The following KCNK3 variants were observed in gnomAD, a reference collection of about 807,000 sequenced individuals.
KCNK3 encodes the protein potassium channel subfamily K member 3.
In KCNK3, 9 loss-of-function variants were observed where a neutral mutation model predicts 27.3. The ratio of observed to expected loss-of-function variants is 0.33; its 90% CI spans 0.20 to 0.57. KCNK3 has a LOEUF of 0.57. Ranked by LOEUF, KCNK3 falls within the 20% of genes least tolerant of loss-of-function variation. KCNK3 has a pLI of 0.87. For synonymous variants in KCNK3, 278 were observed against 273.8 expected (o/e 1.02, Z -0.15); for missense variants, 391 against 577.7 (o/e 0.68, Z 3.31).
intron 1 of KCNK3, among the ~76,000 whole-genome samples, chr2:26,701,727 G>T (rs1225723859): frequency 6.6e-6 from 1 of 152,188 alleles, no homozygotes; most frequent in Non-Finnish European, 1.5e-5. Context: ...ATCACTTGAG[G>T]TCAAAAGTCT....
chr2:26,711,451 A>G (rs760353522), intron 1 of KCNK3, among the ~76,000 whole-genome samples: 1 of 151,964 alleles, frequency 6.6e-6, no homozygotes, highest in Admixed American at 6.5e-5. Flanking sequence ...CTCCACTCCA[A>G]TTTCTCCCTT....
At chr2:26,703,663 G>GGCATC (rs900854693) in intron 1 of KCNK3, among the ~76,000 whole-genome samples, 29 of 152,298 alleles carry the variant, frequency 1.9e-4, no homozygotes, top group African/African-American at 6.0e-4. Flanking sequence ...CACTATGTGA[G>GGCATC]GCATCAAGAG....
At chr2:26,703,491 G>GGGCA (rs1336218443) in intron 1 of KCNK3, among the ~76,000 whole-genome samples, 2 of 152,110 alleles carry the variant, frequency 1.3e-5, no homozygotes, top group Non-Finnish European at 2.9e-5. Context: ...ATCTTCAAAG[G>GGGCA]GGCAGCCTGG....
intron 1 of KCNK3, among the ~76,000 whole-genome samples, chr2:26,706,283 C>T (rs1466277285): frequency 6.6e-6 from 1 of 151,790 alleles, no homozygotes; most frequent in African/African-American, 2.4e-5. Context: ...CAGAGAAGGT[C>T]GTTTCCCCTC....
At chr2:26,701,956 A>ATCT (rs1220939236) in intron 1 of KCNK3, among the ~76,000 whole-genome samples, 1 of 152,110 alleles carries the variant, frequency 6.6e-6, no homozygotes, top group East Asian at 1.9e-4. Flanking sequence ...TCAATCAATA[A>ATCT]ATAAAAACTT....
intron 1 of KCNK3, among the ~76,000 whole-genome samples, chr2:26,705,050 G>A (rs531145355): frequency 2.0e-5 from 3 of 151,994 alleles, no homozygotes; most frequent in Non-Finnish European, 2.9e-5. Context: ...CTGCAGCCTC[G>A]ACTTCCCTGG....
chr2:26,701,560 T>C (rs1670308435), intron 1 of KCNK3, among the ~76,000 whole-genome samples: 1 of 152,192 alleles, frequency 6.6e-6, no homozygotes, highest in South Asian at 2.1e-4. Flanking sequence ...GGAAACTGGC[T>C]CCTCCCTCAT....
chr2:26,703,333 A>G (rs1670332582), intron 1 of KCNK3, among the ~76,000 whole-genome samples: 1 of 152,232 alleles, frequency 6.6e-6, no homozygotes, highest in Non-Finnish European at 1.5e-5. Flanking sequence ...CAGCAGTCCT[A>G]GATTGGTATT....
chr2:26,710,192 G>A (rs939963526), intron 1 of KCNK3, among the ~76,000 whole-genome samples: 1 of 152,248 alleles, frequency 6.6e-6, no homozygotes, highest in African/African-American at 2.4e-5. Context: ...CTGCGAGACA[G>A]AAGTGTGGCC....
At chr2:26,697,227 A>G (rs1045487491) in intron 1 of KCNK3, among the ~76,000 whole-genome samples, 1 of 152,172 alleles carries the variant, frequency 6.6e-6, no homozygotes, top group Non-Finnish European at 1.5e-5. Context: ...TGCTGGGTGC[A>G]GTGGCTGACA....
At chr2:26,710,213 G>A (rs548556156) in intron 1 of KCNK3, among the ~76,000 whole-genome samples, 27 of 152,302 alleles carry the variant, frequency 1.8e-4, no homozygotes, top group Admixed American at 7.2e-4. Context: ...CCTGTCCCCC[G>A]ACTGCTCTTT....
chr2:26,728,180 G>T lies in KCNK3; in HGVS notation c.797G>T (p.Arg266Leu), dbSNP rs776666313. ...GCCGAGCACCGCGCGCTGCTCACGC[G>T]CAACGGGCAGGCGGGCGGCGGCGGA... Reference protein sequence around the residue: ...RDAEHRALLTRNGQAGGGGGG... With the variant: ...RDAEHRALLTLNGQAGGGGGG... Residue 266 changes from arginine to leucine, a missense_variant, in exon 2 of 2, where the codon CGC becomes CTC. Coordinates refer to ENST00000302909, the MANE Select transcript of KCNK3 (RefSeq NM_002246.3). 2.5e-6 allele frequency: 4 copies of T among 1,571,044 alleles called. No individual in the cohort carries two copies. The highest frequency in any genetic ancestry group is 2.3e-5 in the South Asian group (2 of 86,966).
At chr2:26,708,544 T>A (rs138162435) in intron 1 of KCNK3, among the ~76,000 whole-genome samples, 2,984 of 152,280 alleles carry the variant, frequency 0.02, 50 homozygotes, top group Non-Finnish European at 0.032. Context: ...CCAGGCGTTG[T>A]GGCATGTGCC....
rs1345575876 is a variant in KCNK3 at position 26,693,442 on chromosome 2, G to C, written c.283+284G>C. On this transcript the variant is annotated intron_variant, in intron 1 of 1. Coordinates refer to ENST00000302909, the MANE Select transcript of KCNK3 (RefSeq NM_002246.3). This position sits in a 1 kb window ranked among gnomAD's most constrained non-coding sequence, Gnocchi z 5.5. The stretch of plus-strand genomic sequence containing the variant: ...CCCAGGGACTCCGAAGTGTGTGAGA[G>C]GGGCAGGGACGACCGGCGGAGGCTC... Among the ~76,000 whole-genome samples the C allele has an allele frequency of 6.6e-6, 1 of 152,228 alleles. No individual in the cohort carries two copies. The highest frequency in any genetic ancestry group is 1.5e-5 in the Non-Finnish European group (1 of 68,030).
chr2:26,726,627 A>G (rs1375000080), intron 1 of KCNK3, among the ~76,000 whole-genome samples: 1 of 152,182 alleles, frequency 6.6e-6, no homozygotes, highest in African/African-American at 2.4e-5. Context: ...AATTTGCCCA[A>G]GGTCACACAG....
intron 1 of KCNK3, among the ~76,000 whole-genome samples, chr2:26,708,484 G>T (rs1169951030): frequency 6.6e-6 from 1 of 152,118 alleles, no homozygotes; most frequent in African/African-American, 2.4e-5. Flanking sequence ...GACCAGCCTG[G>T]CCAACATGGT....
intron 1 of KCNK3, among the ~76,000 whole-genome samples, chr2:26,713,022 C>G (rs1026520740): frequency 1.3e-5 from 2 of 152,160 alleles, no homozygotes; most frequent in Non-Finnish European, 2.9e-5. Flanking sequence ...CCAAGCTCCC[C>G]CCACCACACC....
At chr2:26,707,626 A>C (rs1054941118) in intron 1 of KCNK3, among the ~76,000 whole-genome samples, 1 of 152,184 alleles carries the variant, frequency 6.6e-6, no homozygotes, top group African/African-American at 2.4e-5. Context: ...GAGCCTACAC[A>C]GTCATGTACT....
chr2:26,705,583 C>T (rs528043116), intron 1 of KCNK3, among the ~76,000 whole-genome samples: 1 of 152,270 alleles, frequency 6.6e-6, no homozygotes, highest in East Asian at 1.9e-4. Context: ...AGTGCCCTTG[C>T]CCCCTTGACA....
Sources: allele counts gnomAD v4.1 joint callset (sites outside exome capture counted in the v4.1 genomes callset), GRCh38; gene constraint gnomAD v4.1.1; non-coding constraint Gnocchi (gnomAD v3.1); transcripts MANE v1.5; gene names NCBI Gene and HGNC (gene_info 2026-07-23, HGNC 2026-07-21).